NAALADL2: variants seen among roughly 807,000 people sequenced by gnomAD.
The protein encoded by NAALADL2 is N-acetylated alpha-linked acidic dipeptidase like 2.
Under a neutral mutation model 87.2 loss-of-function variants are expected in NAALADL2, and 76 were observed. The observed-to-expected ratio is 0.87, with a 90% CI of 0.72 to 1.05. The LOEUF (loss-of-function observed/expected upper bound fraction) is 1.05, where lower values mean the gene tolerates loss of function less well. NAALADL2 is among the 50% of genes least tolerant of loss of function. The probability of loss-of-function intolerance (pLI) is 0.00; values close to 1 mark genes in which losing one functional copy is unlikely to be tolerated. For synonymous variants in NAALADL2, 354 were observed against 331.0 expected (o/e 1.07, Z -0.75); for missense variants, 1,089 against 945.8 (o/e 1.15, Z -1.99).
intron 2 of NAALADL2, among the ~76,000 whole-genome samples, chr3:175,132,039 C>G (rs1728059538): frequency 7.6e-6 from 1 of 131,968 alleles, no homozygotes; most frequent in Admixed American, 7.3e-5. Flanking sequence ...GCTGGCCAGG[C>G]AGAGGGGCTC....
At chr3:174,531,173 GTTTCTA>G (rs1465467496) in intron 1 of NAALADL2, among the ~76,000 whole-genome samples, 1 of 151,808 alleles carries the variant, frequency 6.6e-6, no homozygotes, top group Non-Finnish European at 1.5e-5. Flanking sequence ...CATGGTGTAT[GTTTCTA>G]TTTCTTTTAT....
At chr3:174,978,554 G>A (rs1246224364) in intron 1 of NAALADL2, among the ~76,000 whole-genome samples, 1 of 152,174 alleles carries the variant, frequency 6.6e-6, no homozygotes, top group East Asian at 1.9e-4. Flanking sequence ...CTTGGCAATG[G>A]ACAGGAGAAA....
intron 2 of NAALADL2, among the ~76,000 whole-genome samples, chr3:174,708,875 G>T (rs572272532): frequency 3.0e-4 from 45 of 152,014 alleles, no homozygotes; most frequent in Non-Finnish European, 3.8e-4. Context: ...CATTCCAGTG[G>T]GTTTTGCTTT....
chr3:175,042,273 A>C (rs1490726063), intron 1 of NAALADL2, among the ~76,000 whole-genome samples: 1 of 152,134 alleles, frequency 6.6e-6, no homozygotes, highest in Admixed American at 6.6e-5. Flanking sequence ...AAGCCAAATA[A>C]TTTACTATAT....
chr3:174,565,597 A>C (rs1293920113), intron 2 of NAALADL2, among the ~76,000 whole-genome samples: 1 of 151,986 alleles, frequency 6.6e-6, no homozygotes, highest in Non-Finnish European at 1.5e-5. Flanking sequence ...CGTTGCTTTT[A>C]AGTTTTGGTA....
intron 3 of NAALADL2, among the ~76,000 whole-genome samples, chr3:174,804,204 C>G (rs1458363570): frequency 6.6e-6 from 1 of 152,000 alleles, no homozygotes; most frequent in Admixed American, 6.6e-5. Flanking sequence ...AAGTTGTATT[C>G]CTAGGTATTT....
At chr3:175,792,783 C>T (rs1448443773) in intron 13 of NAALADL2, among the ~76,000 whole-genome samples, 1 of 152,152 alleles carries the variant, frequency 6.6e-6, no homozygotes, top group African/African-American at 2.4e-5. Context: ...ATTGCAATCA[C>T]GTCATCAAGG....
At chr3:174,691,437 CA>C (rs71759755) in intron 2 of NAALADL2, among the ~76,000 whole-genome samples, 19 of 148,482 alleles carry the variant, frequency 1.3e-4, no homozygotes, top group Middle Eastern at 3.4e-3. Context: ...ATAAAACCCA[CA>C]AAAAAAAAAC....
intron 1 of NAALADL2, among the ~76,000 whole-genome samples, chr3:175,002,464 C>T (rs1198599422): frequency 6.6e-6 from 1 of 152,072 alleles, no homozygotes; most frequent in African/African-American, 2.4e-5. Flanking sequence ...AAATGAAGAT[C>T]TCGATCGTGT....
At chr3:175,734,430 G>A (rs145793402) in intron 11 of NAALADL2, among the ~76,000 whole-genome samples, 2,201 of 152,076 alleles carry the variant, frequency 0.014, 25 homozygotes, top group Middle Eastern at 0.054. Context: ...GGTGGTGGGC[G>A]CCTGTAGTCC....
chr3:175,636,719 A>AG (rs1728617108), intron 11 of NAALADL2, among the ~76,000 whole-genome samples: 1 of 151,614 alleles, frequency 6.6e-6, no homozygotes, highest in African/African-American at 2.4e-5. Flanking sequence ...AAAAAAGAAA[A>AG]AAAAAGAAAA....
intron 2 of NAALADL2, among the ~76,000 whole-genome samples, chr3:174,620,426 GTGTTTTTTGTTTTGTTT>G (rs140193666): frequency 0.35 from 52,926 of 151,702 alleles, 10,420 homozygotes; most frequent in Middle Eastern, 0.47. Context: ...CAGTTTATGT[GTGTTTTTTGTTTTGTTT>G]TGTTTTTTTC....
chr3:175,284,482 A>G (rs975494336), intron 4 of NAALADL2, among the ~76,000 whole-genome samples: 3 of 151,994 alleles, frequency 2.0e-5, no homozygotes, highest in Non-Finnish European at 4.4e-5. Flanking sequence ...TATGGCTTAG[A>G]AGAAGCCAGG....
chr3:175,233,873 C>A, intron 2 of NAALADL2, 58 bp from the exon 3 acceptor site: 1 of 994,482 alleles, frequency 1.0e-6, no homozygotes, highest in Non-Finnish European at 1.5e-6. Context: ...GCAGTCATAT[C>A]TCAAAAGAAT....
intron 2 of NAALADL2, among the ~76,000 whole-genome samples, chr3:175,193,983 T>A (rs1470549472): frequency 1.3e-5 from 2 of 151,910 alleles, no homozygotes; most frequent in Non-Finnish European, 2.9e-5. Context: ...CAGCCCTTTC[T>A]TGGAGCATAG....
At chr3:175,649,297 G>T (rs1019267026) in intron 11 of NAALADL2, among the ~76,000 whole-genome samples, 1 of 151,588 alleles carries the variant, frequency 6.6e-6, no homozygotes, top group African/African-American at 2.4e-5. Context: ...TTCAGAGGAA[G>T]TTCCATATTC....
chr3:175,757,000 T>G (rs1364769574), intron 13 of NAALADL2, among the ~76,000 whole-genome samples: 1 of 151,316 alleles, frequency 6.6e-6, no homozygotes, highest in African/African-American at 2.4e-5. Flanking sequence ...TATATATTTT[T>G]TATATGTGTA....
chr3:175,652,480 T>C (rs781013011), intron 11 of NAALADL2, among the ~76,000 whole-genome samples: 27 of 90,350 alleles, frequency 3.0e-4, no homozygotes, highest in Non-Finnish European at 5.6e-4. Flanking sequence ...CTTTTCTTTC[T>C]TTTTTTTTTT....
chr3:175,003,130 G>A (rs1748467478), intron 1 of NAALADL2, among the ~76,000 whole-genome samples: 1 of 152,174 alleles, frequency 6.6e-6, no homozygotes, highest in Non-Finnish European at 1.5e-5. Context: ...TCCTCCAGCT[G>A]AAATTCTCAT....
Sources: allele counts gnomAD v4.1 joint callset (sites outside exome capture counted in the v4.1 genomes callset), GRCh38; gene constraint gnomAD v4.1.1; transcripts MANE v1.5; gene names NCBI Gene and HGNC (gene_info 2026-07-23, HGNC 2026-07-21).